Variants in CCDC192 observed in about 807,000 individuals in gnomAD.
The protein encoded by CCDC192 is coiled-coil domain containing 192.
intron 2 of CCDC192, among the ~76,000 whole-genome samples, chr5:127,741,612 T>C (rs1262517342): frequency 1.3e-5 from 2 of 152,196 alleles, no homozygotes; most frequent in African/African-American, 2.4e-5. Context: ...TAAATCAAAA[T>C]GATAGAGGGC....
intron 6 of CCDC192, among the ~76,000 whole-genome samples, chr5:127,912,314 A>G (rs1753391334): frequency 6.6e-6 from 1 of 151,216 alleles, no homozygotes; most frequent in South Asian, 2.1e-4. Context: ...TTTTTCCAGT[A>G]GCCTCCCCTT....
At position 127,837,864 on chromosome 5, in the gene CCDC192, T is replaced by C. The variant is rs1310136858; in HGVS notation, c.412-37674T>C. 1.3e-5 allele frequency among the ~76,000 whole-genome samples: 2 copies of C among 152,146 alleles called. 1 individual carries two copies. Among genetic ancestry groups the C allele is most frequent in the Admixed American group, 1.3e-4 (2 of 15,280 alleles). ...TTAGCCAGGCATGGTGGTGCACGCC[T>C]GTAGTCCCAGCTACTCAGGAGGCTG... On this transcript the variant is annotated intron_variant, in intron 5 of 6. Coordinates refer to ENST00000514853, the MANE Select transcript of CCDC192 (RefSeq NM_001317938.2).
At chr5:127,819,426 T>C (rs1269826489) in intron 5 of CCDC192, among the ~76,000 whole-genome samples, 2 of 152,078 alleles carry the variant, frequency 1.3e-5, no homozygotes, top group South Asian at 2.1e-4. Flanking sequence ...TAAATAACCA[T>C]GTTATTTCCA....
At chr5:127,756,168 C>T (rs1159200438) in intron 3 of CCDC192, among the ~76,000 whole-genome samples, 2 of 151,742 alleles carry the variant, frequency 1.3e-5, no homozygotes, top group Non-Finnish European at 2.9e-5. Context: ...TATTTTTGTT[C>T]TTGATGAAAT....
At chr5:127,818,727 A>G (rs1019580171) in intron 5 of CCDC192, among the ~76,000 whole-genome samples, 2 of 152,146 alleles carry the variant, frequency 1.3e-5, no homozygotes, top group Admixed American at 1.3e-4. Flanking sequence ...CCAAGGGAAG[A>G]TGGGGGTGGG....
At chr5:127,737,025 G>C (rs934947737) in intron 2 of CCDC192, among the ~76,000 whole-genome samples, 2 of 150,876 alleles carry the variant, frequency 1.3e-5, no homozygotes, top group African/African-American at 4.9e-5. Flanking sequence ...TGATGTTAGG[G>C]TGTCAATTTT....
chr5:127,864,754 G>T (rs1751527645), intron 5 of CCDC192, among the ~76,000 whole-genome samples: 1 of 152,014 alleles, frequency 6.6e-6, no homozygotes, highest in African/African-American at 2.4e-5. Flanking sequence ...TCTTTTATTG[G>T]GTCATGTCTT....
At chr5:127,738,059 C>G (rs1477319320) in intron 2 of CCDC192, among the ~76,000 whole-genome samples, 1 of 152,072 alleles carries the variant, frequency 6.6e-6, no homozygotes, top group East Asian at 1.9e-4. Context: ...GATTTTGCAA[C>G]AGCTGGTACC....
At chr5:127,738,112 G>T (rs960841592) in intron 2 of CCDC192, among the ~76,000 whole-genome samples, 1 of 151,876 alleles carries the variant, frequency 6.6e-6, no homozygotes, top group Non-Finnish European at 1.5e-5. Context: ...AGGAGCTCTT[G>T]TAAGGCAGGC....
chr5:127,916,204 T>C (rs192345271), intron 6 of CCDC192, among the ~76,000 whole-genome samples: 3 of 152,366 alleles, frequency 2.0e-5, no homozygotes, highest in Admixed American at 1.3e-4. Context: ...TCCTCATTCA[T>C]TGAGGTTTTA....
chr5:127,897,642 A>C (rs1033930297), intron 6 of CCDC192, among the ~76,000 whole-genome samples: 6 of 152,180 alleles, frequency 3.9e-5, no homozygotes, highest in Non-Finnish European at 8.8e-5. Flanking sequence ...AAGTGCATAC[A>C]TCGTATTTTG....
rs145411614 is a variant in CCDC192 at position 127,759,096 on chromosome 5, C to T, written c.222+4721C>T. Among the ~76,000 whole-genome samples, 77 of 152,264 alleles carry T rather than the reference C, an allele frequency of 5.1e-4. 1 individual carries two copies. In the East Asian group the frequency reaches 0.014, roughly 28 times the overall value. ...GAGAGCCCAGGCTTTGTTCCTGCTCCACTATCTGCTAGCTTTATGGCCTTG... is the reference window on the plus strand; with the variant it reads ...GAGAGCCCAGGCTTTGTTCCTGCTCTACTATCTGCTAGCTTTATGGCCTTG... On this transcript the variant is annotated intron_variant, in intron 3 of 6. Transcript: ENST00000514853.
At chr5:127,910,931 AT>A (rs1312024818) in intron 6 of CCDC192, among the ~76,000 whole-genome samples, 1 of 152,138 alleles carries the variant, frequency 6.6e-6, no homozygotes, top group African/African-American at 2.4e-5. Flanking sequence ...AGCTTCATGC[AT>A]TGTGTAATTT....
At chr5:127,869,977 G>C (rs1751778411) in intron 5 of CCDC192, among the ~76,000 whole-genome samples, 1 of 152,172 alleles carries the variant, frequency 6.6e-6, no homozygotes, top group South Asian at 2.1e-4. Context: ...GTGGGGTCAG[G>C]CTCTGGGTCA....
chr5:127,816,030 T>C (rs552836119), intron 5 of CCDC192, among the ~76,000 whole-genome samples: 3 of 152,118 alleles, frequency 2.0e-5, no homozygotes, highest in Admixed American at 2.0e-4. Context: ...CCATCATTGG[T>C]TAGATAAAGC....
intron 3 of CCDC192, among the ~76,000 whole-genome samples, chr5:127,762,341 A>G (rs954719520): frequency 6.6e-6 from 1 of 152,242 alleles, no homozygotes; most frequent in African/African-American, 2.4e-5. Flanking sequence ...CAATTTGGCT[A>G]GCCAGAGTTC....
intron 6 of CCDC192, among the ~76,000 whole-genome samples, chr5:127,904,572 G>A (rs936831354): frequency 6.1e-5 from 9 of 147,134 alleles, no homozygotes; most frequent in African/African-American, 1.8e-4. Context: ...GCATGATCTC[G>A]GCTCACTGCA....
At chr5:127,720,019 C>T (rs945596767) in intron 2 of CCDC192, among the ~76,000 whole-genome samples, 12 of 152,154 alleles carry the variant, frequency 7.9e-5, no homozygotes, top group Non-Finnish European at 1.6e-4. Flanking sequence ...CATATCATTT[C>T]ACCCTCACCC....
At position 127,878,989 on chromosome 5, in the gene CCDC192, A is replaced by G. The variant is rs528447047; in HGVS notation, c.535+3328A>G. ...AGCAATTGTGAATGGGAGTTCACTC[A>G]TGATTTGGCTCTCTGTTTGTCTGTT... On this transcript the variant is annotated intron_variant, in intron 6 of 6. Coordinates refer to ENST00000514853, the MANE Select transcript of CCDC192 (RefSeq NM_001317938.2). Among the ~76,000 whole-genome samples, 630 of 148,570 alleles carry G rather than the reference A, an allele frequency of 4.2e-3. 3 individuals are homozygous for G. The highest frequency in any genetic ancestry group is 7.4e-3 in the Non-Finnish European group (498 of 67,422).
Sources: gnomAD v4.1 joint callset for allele counts (sites outside exome capture counted in the v4.1 genomes callset) on GRCh38, gnomAD v4.1.1 for gene constraint, MANE v1.5 for transcripts, NCBI Gene and HGNC (gene_info 2026-07-23, HGNC 2026-07-21) for gene names.